ABCC1: variants seen among roughly 807,000 people sequenced by gnomAD.
The protein encoded by ABCC1 is multidrug resistance-associated protein 1.
Under a neutral mutation model 172.9 loss-of-function variants are expected in ABCC1, and 83 were observed. The ratio of observed to expected loss-of-function variants is 0.48; its 90% CI spans 0.40 to 0.58. The LOEUF (loss-of-function observed/expected upper bound fraction) is 0.58. Ranked by LOEUF, ABCC1 falls within the 20% of genes least tolerant of loss-of-function variation. The pLI is 0.00. For missense variants in ABCC1, 1,817 were observed against 2,002.7 expected (o/e 0.91, Z 1.77); for synonymous variants, 937 against 825.2 (o/e 1.14, Z -2.32).
At chr16:16,050,770 G>T (rs1317441420) in intron 10 of ABCC1, among the ~76,000 whole-genome samples, 2 of 150,982 alleles carry the variant, frequency 1.3e-5, no homozygotes, top group Non-Finnish European at 2.9e-5. Flanking sequence ...GGGCATGGTG[G>T]TGCCTACCTG....
chr16:16,008,102 T>C (rs1597108097), intron 2 of ABCC1, 110 bp downstream of exon 2: 2 of 1,127,522 alleles, frequency 1.8e-6, no homozygotes, highest in East Asian at 2.5e-5. Flanking sequence ...CCTAAGTTCC[T>C]TCTTCTAGAA....
At chr16:16,108,636 C>T (rs1278028003) in intron 21 of ABCC1, among the ~76,000 whole-genome samples, 1 of 149,652 alleles carries the variant, frequency 6.7e-6, no homozygotes, top group African/African-American at 2.5e-5. Flanking sequence ...GACTCTGTCA[C>T]CCAGGATGGA....
At chr16:16,075,011 A>C (rs2050501603) in intron 14 of ABCC1, among the ~76,000 whole-genome samples, 1 of 146,274 alleles carries the variant, frequency 6.8e-6, no homozygotes, top group East Asian at 2.0e-4. Context: ...CAATGGCACG[A>C]TCTTGGCTCT....
At chr16:16,008,032 T>C (rs971919954) in intron 2 of ABCC1, 40 bp downstream of exon 2, 1 of 1,010,220 alleles carries the variant, frequency 9.9e-7, no homozygotes, top group Non-Finnish European at 1.5e-6. Context: ...GGTGGGAAGG[T>C]GCACCTGGAC....
chr16:16,091,809 C>T (rs1032226507), intron 19 of ABCC1, among the ~76,000 whole-genome samples: 11 of 152,160 alleles, frequency 7.2e-5, no homozygotes, highest in African/African-American at 2.7e-4. Flanking sequence ...AGTGACCAGC[C>T]CCAGGATACA....
At chr16:16,102,237 C>G (rs1341004258) in intron 19 of ABCC1, among the ~76,000 whole-genome samples, 1 of 152,216 alleles carries the variant, frequency 6.6e-6, no homozygotes, top group Non-Finnish European at 1.5e-5. Context: ...TTGGGAATCA[C>G]GGGGCTATGC....
intron 1 of ABCC1, among the ~76,000 whole-genome samples, chr16:16,000,282 G>C (rs1460492538): frequency 6.6e-6 from 1 of 151,734 alleles, no homozygotes; most frequent in East Asian, 1.9e-4. Flanking sequence ...GAGTAGCTGG[G>C]ATTATAGGCG....
intron 1 of ABCC1, among the ~76,000 whole-genome samples, chr16:15,961,609 G>C (rs1445321425): frequency 6.6e-6 from 1 of 152,170 alleles, no homozygotes; most frequent in Non-Finnish European, 1.5e-5. Context: ...GTATGTGCAA[G>C]AACGTGTTCG....
chr16:16,073,404 T>C (rs1259267414), intron 14 of ABCC1, among the ~76,000 whole-genome samples: 2 of 152,208 alleles, frequency 1.3e-5, no homozygotes, highest in Admixed American at 6.6e-5. Context: ...CACTGCCTCA[T>C]AGACACCCCA....
chr16:16,016,900 C>G (rs1391016503), intron 5 of ABCC1, among the ~76,000 whole-genome samples: 1 of 152,170 alleles, frequency 6.6e-6, no homozygotes, highest in South Asian at 2.1e-4. Context: ...AAAATGTGAG[C>G]AGATAATTAC....
At chr16:16,107,557 T>A (rs1308971498) in intron 21 of ABCC1, among the ~76,000 whole-genome samples, 1 of 152,150 alleles carries the variant, frequency 6.6e-6, no homozygotes, top group Non-Finnish European at 1.5e-5. Context: ...CCCAAAATGC[T>A]GGGATTACAG....
intron 24 of ABCC1, among the ~76,000 whole-genome samples, chr16:16,122,645 C>T (rs2045219812): frequency 6.7e-6 from 1 of 148,594 alleles, no homozygotes; most frequent in African/African-American, 2.5e-5. Flanking sequence ...CTTTGGGAGG[C>T]TGAGGCAGGA....
intron 30 of ABCC1, among the ~76,000 whole-genome samples, chr16:16,139,611 CAAAAAAAA>C (rs386384360): frequency 1.7e-5 from 1 of 57,348 alleles, no homozygotes; most frequent in Non-Finnish European, 2.9e-5. Flanking sequence ...GACTCCATCT[CAAAAAAAA>C]AAAAAAAAAA....
chr16:16,136,408 T>A, intron 28 of ABCC1, 70 bp from the exon 29 acceptor site: 1 of 1,557,994 alleles, frequency 6.4e-7, no homozygotes, highest in Non-Finnish European at 8.7e-7. Flanking sequence ...CCAGAAGTCC[T>A]TAGGTCGCCT....
At chr16:16,125,991 C>T (rs2045417267) in intron 26 of ABCC1, 80 bp downstream of exon 26, 7 of 1,020,280 alleles carry the variant, frequency 6.9e-6, no homozygotes, top group Non-Finnish European at 1.0e-5. Flanking sequence ...CTATCCTGTG[C>T]ACCTCTGCCT....
Position 16,141,351 on chromosome 16 carries a change from C to T in ABCC1, c.*70C>T. 1 of 1,414,700 alleles carries T rather than the reference C, an allele frequency of 7.1e-7. No individual in the cohort carries two copies. Among genetic ancestry groups the T allele is most frequent in the South Asian group, 1.2e-5 (1 of 84,942 alleles). The allele number at this position is 1,414,700 out of a possible 1,614,324, so 87.6% of individuals were successfully genotyped here. ...CCAGCGCCCAGGGAGGAGTCAGTACCCCTGGTAAACCAAGCCTCCCACACT... is the reference window on the plus strand; with the variant it reads ...CCAGCGCCCAGGGAGGAGTCAGTACTCCTGGTAAACCAAGCCTCCCACACT... On this transcript the variant is annotated 3_prime_UTR_variant, in exon 31 of 31. Transcript: ENST00000399410.
At chr16:15,987,722 G>A (rs73513904) in intron 1 of ABCC1, among the ~76,000 whole-genome samples, 2,793 of 152,342 alleles carry the variant, frequency 0.018, 94 homozygotes, top group African/African-American at 0.063. Flanking sequence ...GTGAAAGTCA[G>A]AATCCCTGCG....
intron 1 of ABCC1, among the ~76,000 whole-genome samples, chr16:15,986,486 G>GCGTGAACCCTAA (rs1313728070): frequency 6.6e-6 from 1 of 152,170 alleles, no homozygotes; most frequent in Non-Finnish European, 1.5e-5. Flanking sequence ...TCTCACAGGA[G>GCGTGAACCCTAA]CGTGAACCCT....
chr16:16,111,285 C>A, intron 21 of ABCC1, 90 bp from the exon 22 acceptor site: 1 of 1,049,258 alleles, frequency 9.5e-7, no homozygotes, highest in Non-Finnish European at 1.5e-6. Flanking sequence ...CTGGGTGGCA[C>A]AGTGCTGGTG....
Sources: allele counts gnomAD v4.1 joint callset (sites outside exome capture counted in the v4.1 genomes callset), GRCh38; gene constraint gnomAD v4.1.1; transcripts MANE v1.5; gene names NCBI Gene and HGNC (gene_info 2026-07-23, HGNC 2026-07-21).